The following ASTN2 variants were observed in gnomAD, a reference collection of about 807,000 sequenced individuals.
ASTN2 encodes astrotactin-2.
ASTN2 carries 54 observed loss-of-function variants against 139.8 expected under a neutral mutation model. The observed-to-expected ratio is 0.39, with a 90% CI of 0.31 to 0.48. The LOEUF (loss-of-function observed/expected upper bound fraction) is 0.48, where lower values mean the gene tolerates loss of function less well. Ranked by LOEUF, ASTN2 falls within the 20% of genes least tolerant of loss-of-function variation. The probability of loss-of-function intolerance (pLI) is 0.95; values close to 1 mark genes in which losing one functional copy is unlikely to be tolerated. For missense variants in ASTN2, 1,565 were observed against 1,725.1 expected, an observed-to-expected ratio of 0.91 and a Z score of 1.64; for synonymous variants, 756 against 719.5, an observed-to-expected ratio of 1.05 and a Z score of -0.81.
chr9:116,565,418 T>C (rs1853171583), intron 19 of ASTN2, among the ~76,000 whole-genome samples: 1 of 130,684 alleles, frequency 7.7e-6, no homozygotes, highest in African/African-American at 2.9e-5. Context: ...TATATATATA[T>C]ATATATATAT....
intron 7 of ASTN2, among the ~76,000 whole-genome samples, chr9:116,991,950 C>A (rs1030129084): frequency 6.6e-6 from 1 of 152,150 alleles, no homozygotes; most frequent in Non-Finnish European, 1.5e-5. Context: ...TTATGAGGAA[C>A]ACACATGCCC....
chr9:117,214,233 C>T, intron 3 of ASTN2, 125 bp downstream of exon 3: 5 of 1,175,780 alleles, frequency 4.3e-6, no homozygotes, highest in Non-Finnish European at 5.9e-6. Flanking sequence ...AAATCTAAAG[C>T]CATAAATCCA....
chr9:116,484,463 T>G (rs1849274218), intron 20 of ASTN2, among the ~76,000 whole-genome samples: 1 of 152,150 alleles, frequency 6.6e-6, no homozygotes, highest in African/African-American at 2.4e-5. Flanking sequence ...CACAGTCTTC[T>G]TGGCTCAAGA....
intron 16 of ASTN2, among the ~76,000 whole-genome samples, chr9:116,720,629 T>C (rs1828446339): frequency 2.7e-5 from 4 of 150,452 alleles, no homozygotes; most frequent in Admixed American, 2.6e-4. Context: ...CCTCCCTCTC[T>C]CTCACACACA....
At chr9:116,947,502 C>T (rs566072727) in intron 10 of ASTN2, among the ~76,000 whole-genome samples, 1 of 152,188 alleles carries the variant, frequency 6.6e-6, no homozygotes, top group African/African-American at 2.4e-5. Flanking sequence ...CTGTATACTC[C>T]CTCCTAAAAG....
At chr9:116,488,224 G>C (rs1849402605) in intron 19 of ASTN2, among the ~76,000 whole-genome samples, 1 of 152,152 alleles carries the variant, frequency 6.6e-6, no homozygotes, top group Non-Finnish European at 1.5e-5. Context: ...TTAAGAAGTA[G>C]TGGAAGTTTA....
At chr9:116,762,394 G>A (rs1294957500) in intron 13 of ASTN2, among the ~76,000 whole-genome samples, 1 of 152,086 alleles carries the variant, frequency 6.6e-6, no homozygotes, top group Non-Finnish European at 1.5e-5. Context: ...AACTAATTTG[G>A]ATAATTGACA....
intron 10 of ASTN2, among the ~76,000 whole-genome samples, chr9:116,911,900 C>CAAACAAAA (rs1159761525): frequency 6.6e-6 from 1 of 152,054 alleles, no homozygotes; most frequent in Non-Finnish European, 1.5e-5. Context: ...CTCAAACAAA[C>CAAACAAAA]AAACAAACAA....
At chr9:116,551,999 A>C (rs374403232) in intron 19 of ASTN2, 1 of 149,292 alleles carries the variant, frequency 6.7e-6, no homozygotes, top group Non-Finnish European at 1.5e-5. Context: ...CCACATATAC[A>C]TATACATATA....
intron 2 of ASTN2, among the ~76,000 whole-genome samples, chr9:117,239,667 T>A (rs1173171405): frequency 1.3e-5 from 2 of 152,220 alleles, no homozygotes; most frequent in African/African-American, 4.8e-5. Flanking sequence ...CATTTCCATT[T>A]CTTTGAAGGC....
intron 10 of ASTN2, among the ~76,000 whole-genome samples, chr9:116,926,581 T>C (rs1015691224): frequency 1.3e-5 from 2 of 152,342 alleles, no homozygotes; most frequent in Non-Finnish European, 2.9e-5. Flanking sequence ...ATGCTCATAA[T>C]AATACATCTA....
intron 2 of ASTN2, among the ~76,000 whole-genome samples, chr9:117,261,462 C>G (rs1833820639): frequency 6.6e-6 from 1 of 152,204 alleles, no homozygotes; most frequent in Admixed American, 6.5e-5. Context: ...ATTCCACTTT[C>G]ATGGCTATGC....
At chr9:116,514,619 C>T (rs1311774411) in intron 19 of ASTN2, among the ~76,000 whole-genome samples, 1 of 152,204 alleles carries the variant, frequency 6.6e-6, no homozygotes, top group African/African-American at 2.4e-5. Context: ...TCTACAGAGG[C>T]AGGCAGGCCT....
At chr9:116,562,625 G>C (rs1852972277) in intron 19 of ASTN2, among the ~76,000 whole-genome samples, 1 of 151,116 alleles carries the variant, frequency 6.6e-6, no homozygotes, top group African/African-American at 2.4e-5. Context: ...CAGTTACTCA[G>C]GAGGCTGAGG....
chr9:117,161,854 T>A (rs1830560845), intron 3 of ASTN2, among the ~76,000 whole-genome samples: 1 of 105,984 alleles, frequency 9.4e-6, no homozygotes, highest in Non-Finnish European at 2.2e-5. Context: ...TTTCACACAT[T>A]TTTCTTTTTC....
chr9:116,575,441 G>T (rs1853686661), intron 19 of ASTN2, among the ~76,000 whole-genome samples: 1 of 152,080 alleles, frequency 6.6e-6, no homozygotes, highest in Admixed American at 6.6e-5. Flanking sequence ...AGTGAGGCTG[G>T]GGAGATGGCA....
At chr9:116,713,566 G>A (rs1828229694) in intron 16 of ASTN2, among the ~76,000 whole-genome samples, 1 of 152,170 alleles carries the variant, frequency 6.6e-6, no homozygotes, top group Admixed American at 6.6e-5. Flanking sequence ...TCCTGACTAA[G>A]TACTTCTAAT....
At chr9:117,251,188 G>A (rs1009879756) in intron 2 of ASTN2, among the ~76,000 whole-genome samples, 1 of 152,106 alleles carries the variant, frequency 6.6e-6, no homozygotes, top group South Asian at 2.1e-4. Context: ...GAGATGGAAG[G>A]TCAATCCTCA....
intron 1 of ASTN2, among the ~76,000 whole-genome samples, chr9:117,326,121 C>T (rs1828507424): frequency 6.6e-6 from 1 of 152,050 alleles, no homozygotes; most frequent in Non-Finnish European, 1.5e-5. Context: ...GGAAATCCAG[C>T]TGTTGTGTGA....
Sources: gnomAD v4.1 joint callset for allele counts (sites outside exome capture counted in the v4.1 genomes callset) on GRCh38, gnomAD v4.1.1 for gene constraint, MANE v1.5 for transcripts, NCBI Gene and HGNC (gene_info 2026-07-23, HGNC 2026-07-21) for gene names.